The following CENPW variants were observed in gnomAD, a reference collection of about 807,000 sequenced individuals.
CENPW encodes the protein centromere protein W, also known as cancer-up-regulated gene 2 protein.
In CENPW, 3 loss-of-function variants were observed where a neutral mutation model predicts 11.1. The ratio of observed to expected loss-of-function variants is 0.27; its 90% CI spans 0.12 to 0.70. CENPW has a LOEUF of 0.70. CENPW is among the 30% of genes least tolerant of loss of function. CENPW has a pLI of 0.77. For synonymous variants in CENPW, 38 were observed against 42.0 expected (o/e 0.91, Z 0.37); for missense variants, 100 against 105.6 (o/e 0.95, Z 0.23).
At chr6:126,467,715 C>T in the CENPW span, among the ~76,000 whole-genome samples, 1 of 152,136 alleles carries the variant, frequency 6.6e-6, no homozygotes, top group Non-Finnish European at 1.5e-5. Context: ...GCAGATACTG[C>T]ACCTTCAAGG....
the CENPW span, among the ~76,000 whole-genome samples, chr6:126,459,671 T>C: frequency 0.028 from 4,285 of 151,614 alleles, 82 homozygotes; most frequent in Non-Finnish European, 0.041. Flanking sequence ...ACATTCCATA[T>C]TGGAGAAATC....
chr6:126,458,009 T>TA, the CENPW span, among the ~76,000 whole-genome samples: 1 of 151,422 alleles, frequency 6.6e-6, no homozygotes, highest in African/African-American at 2.4e-5. Context: ...TATCTCAACT[T>TA]ACTTTTGACT....
At chr6:126,458,239 T>C in the CENPW span, among the ~76,000 whole-genome samples, 227 of 151,468 alleles carry the variant, frequency 1.5e-3, 1 homozygote, top group Non-Finnish European at 2.5e-3. Flanking sequence ...TGGATAAAAA[T>C]ATAAAATTAT....
downstream of CENPW, among the ~76,000 whole-genome samples, chr6:126,352,213 G>A (rs900346275): frequency 1.3e-5 from 2 of 152,092 alleles, no homozygotes; most frequent in Non-Finnish European, 2.9e-5. Flanking sequence ...TACAACTTAG[G>A]GTAGTGTTGA....
chr6:126,427,867 T>G, the CENPW span, among the ~76,000 whole-genome samples: 1 of 152,208 alleles, frequency 6.6e-6, no homozygotes, highest in Non-Finnish European at 1.5e-5. Flanking sequence ...CTTTAAAACC[T>G]ATGTTTGTTT....
the CENPW span, among the ~76,000 whole-genome samples, chr6:126,480,281 T>C: frequency 2.0e-5 from 3 of 152,008 alleles, no homozygotes; most frequent in African/African-American, 7.2e-5. Flanking sequence ...TTATTTTACT[T>C]TGCAATACTT....
the CENPW span, among the ~76,000 whole-genome samples, chr6:126,424,207 A>G: frequency 6.6e-6 from 1 of 152,156 alleles, no homozygotes; most frequent in Non-Finnish European, 1.5e-5. Flanking sequence ...ATAATACTTC[A>G]TTTTATTCGG....
chr6:126,411,944 C>T, the CENPW span, among the ~76,000 whole-genome samples: 1 of 54,336 alleles, frequency 1.8e-5, no homozygotes, highest in Non-Finnish European at 3.9e-5. Flanking sequence ...TCCCTCCCTC[C>T]TTTTCCTCCC....
chr6:126,478,404 CTCTT>C, the CENPW span, among the ~76,000 whole-genome samples: 2 of 151,714 alleles, frequency 1.3e-5, no homozygotes, highest in African/African-American at 2.4e-5. Context: ...ATAGAAGTCT[CTCTT>C]TATCTCTCTC....
chr6:126,382,226 A>C, the CENPW span, among the ~76,000 whole-genome samples: 2 of 151,668 alleles, frequency 1.3e-5, no homozygotes, highest in Non-Finnish European at 2.9e-5. Context: ...GACGAGCGAA[A>C]ATCCATCTCA....
chr6:126,395,777 T>C, the CENPW span, among the ~76,000 whole-genome samples: 1 of 152,218 alleles, frequency 6.6e-6, no homozygotes, highest in Non-Finnish European at 1.5e-5. Context: ...ACTGTGGTTC[T>C]TGCAGACTCA....
the CENPW span, among the ~76,000 whole-genome samples, chr6:126,393,121 G>A: frequency 6.6e-6 from 1 of 151,784 alleles, no homozygotes; most frequent in Admixed American, 6.6e-5. Context: ...TTGAATTTCT[G>A]TAGTATCAGA....
chr6:126,428,652 C>T, the CENPW span, among the ~76,000 whole-genome samples: 1 of 152,152 alleles, frequency 6.6e-6, no homozygotes, highest in Non-Finnish European at 1.5e-5. Flanking sequence ...TGATTATACT[C>T]CAGTGAAAGA....
At chr6:126,340,814 C>T (rs1024028143) in intron 1 of CENPW, among the ~76,000 whole-genome samples, 1 of 152,132 alleles carries the variant, frequency 6.6e-6, no homozygotes, top group Non-Finnish European at 1.5e-5. Context: ...TTGTAAAAGG[C>T]ATTGCTCACA....
the CENPW span, among the ~76,000 whole-genome samples, chr6:126,482,099 C>G: frequency 3.9e-5 from 6 of 151,958 alleles, no homozygotes; most frequent in South Asian, 2.1e-4. Context: ...GGAATAACTT[C>G]TTTTGTGGTA....
At position 126,348,682 on chromosome 6, in the gene CENPW, G is replaced by T; in HGVS notation, c.*190G>T. On this transcript the variant is annotated 3_prime_UTR_variant, in exon 3 of 3. Coordinates refer to ENST00000368328, the MANE Select transcript of CENPW (RefSeq NM_001012507.4). ...CATAGGACTATTTAACCCTTTTATG[G>T]GAATTACTATTATTTTTATTTTAAA... 1 of 390,364 alleles carries T rather than the reference G, an allele frequency of 2.6e-6. No individual in the cohort carries two copies. Among genetic ancestry groups the T allele is most frequent in the Non-Finnish European group, 4.6e-6 (1 of 216,686 alleles). 24.2% of individuals were successfully genotyped at this position (390,364 alleles called of 1,614,324 possible). A position where few individuals can be genotyped will look rare whatever the true frequency, so the allele number is the denominator to read the frequency against.
the CENPW span, among the ~76,000 whole-genome samples, chr6:126,382,160 C>CT: frequency 6.6e-6 from 1 of 152,046 alleles, no homozygotes; most frequent in African/African-American, 2.4e-5. Context: ...TCACTTGAAC[C>CT]TGCGAGGAGG....
chr6:126,340,503 C>G, intron 1 of CENPW, 104 bp downstream of exon 1: 1 of 1,549,434 alleles, frequency 6.5e-7, no homozygotes, highest in Non-Finnish European at 8.9e-7. Context: ...ATAGCTCTTT[C>G]AGGCCCCTGT....
chr6:126,394,567 C>T, the CENPW span, among the ~76,000 whole-genome samples: 3 of 151,952 alleles, frequency 2.0e-5, no homozygotes, highest in African/African-American at 7.2e-5. Flanking sequence ...GTTTACACAC[C>T]ACAATTACAG....
Sources: allele counts gnomAD v4.1 joint callset (sites outside exome capture counted in the v4.1 genomes callset), GRCh38; gene constraint gnomAD v4.1.1; transcripts MANE v1.5; gene names NCBI Gene and HGNC (gene_info 2026-07-23, HGNC 2026-07-21).